The following ANO4 variants were observed in gnomAD, a reference collection of about 807,000 sequenced individuals.
ANO4 encodes the protein anoctamin-4.
Under a neutral mutation model 141.9 loss-of-function variants are expected in ANO4, and 69 were observed. The ratio of observed to expected loss-of-function variants is 0.49; its 90% CI spans 0.40 to 0.59. ANO4 has a LOEUF of 0.59. Among genes scored for constraint, ANO4 ranks in the 20% least tolerant of loss-of-function variants. The probability of loss-of-function intolerance (pLI) is 0.00; values close to 1 mark genes in which losing one functional copy is unlikely to be tolerated. For synonymous variants in ANO4, 350 were observed against 394.3 expected, an observed-to-expected ratio of 0.89 and a Z score of 1.33; for missense variants, 894 against 1,162.2, an observed-to-expected ratio of 0.77 and a Z score of 3.36.
At chr12:100,862,712 A>G (rs2038547374) in intron 1 of ANO4, among the ~76,000 whole-genome samples, 1 of 152,204 alleles carries the variant, frequency 6.6e-6, no homozygotes, top group Non-Finnish European at 1.5e-5. Flanking sequence ...TGTTCACATC[A>G]GTATCACTGC....
At chr12:100,846,571 C>T (rs1014255350) in intron 1 of ANO4, among the ~76,000 whole-genome samples, 12 of 151,970 alleles carry the variant, frequency 7.9e-5, no homozygotes, top group African/African-American at 2.7e-4. Flanking sequence ...GATCTAGTGC[C>T]ACAGACAGCT....
At chr12:100,813,395 A>G (rs1278060696) in intron 1 of ANO4, among the ~76,000 whole-genome samples, 1 of 152,190 alleles carries the variant, frequency 6.6e-6, no homozygotes. Context: ...ATGAATTCCC[A>G]GAGTCTGGAT....
chr12:100,999,418 C>T (rs905855503), intron 8 of ANO4, among the ~76,000 whole-genome samples: 2 of 152,200 alleles, frequency 1.3e-5, no homozygotes, highest in Admixed American at 6.5e-5. Flanking sequence ...TTTCCTCTTC[C>T]ATTTTTAGGG....
chr12:100,722,162 C>T (rs896956351), intron 1 of ANO4, among the ~76,000 whole-genome samples: 4 of 152,130 alleles, frequency 2.6e-5, no homozygotes, highest in Non-Finnish European at 4.4e-5. Flanking sequence ...TCTCAATCAC[C>T]AAGTCCTGTT....
chr12:101,120,580 T>C lies in ANO4; in HGVS notation c.2631T>C (p.Phe877=). Residue 877 remains phenylalanine, a synonymous_variant, in exon 26 of 28, where the codon TTT becomes TTC. Coordinates refer to ENST00000392977, the MANE Select transcript of ANO4 (RefSeq NM_001286615.2). ...TGCCCTATGGCTACACACTGCAGTTTTGGCATGTCCTAGCTGCTCGATTAG... is the reference window on the plus strand; with the variant it reads ...TGCCCTATGGCTACACACTGCAGTTCTGGCATGTCCTAGCTGCTCGATTAG... ...SLVPYGYTLQ[F]WHVLAARLAF... 6.2e-7 allele frequency: 1 copy of C among 1,614,132 alleles called. No individual in the cohort carries two copies.
At chr12:100,955,446 G>A (rs1328344375) in intron 5 of ANO4, among the ~76,000 whole-genome samples, 2 of 152,170 alleles carry the variant, frequency 1.3e-5, no homozygotes, top group Non-Finnish European at 2.9e-5. Flanking sequence ...TGGGTTCTAG[G>A]AGAACAAGGT....
intron 2 of ANO4, among the ~76,000 whole-genome samples, chr12:100,903,466 A>G (rs2040690340): frequency 6.6e-6 from 1 of 152,166 alleles, no homozygotes; most frequent in Admixed American, 6.5e-5. Flanking sequence ...ACTTCTTAGC[A>G]TGTTAAAAAC....
chr12:100,999,826 C>T (rs1271038558), intron 8 of ANO4, among the ~76,000 whole-genome samples: 1 of 151,690 alleles, frequency 6.6e-6, no homozygotes, highest in Admixed American at 6.6e-5. Context: ...AGGCAGATTG[C>T]TTGCAGCCAG....
At chr12:100,748,979 C>T (rs998456843) in intron 3 of ANO4, among the ~76,000 whole-genome samples, 5 of 152,062 alleles carry the variant, frequency 3.3e-5, no homozygotes, top group African/African-American at 1.2e-4. Flanking sequence ...GATATTGTAA[C>T]AAGTAGGGCA....
At chr12:100,777,232 ACAGGTATACACCACCAAGTC>A (rs1403189498) in intron 3 of ANO4, among the ~76,000 whole-genome samples, 1 of 144,082 alleles carries the variant, frequency 6.9e-6, no homozygotes, top group East Asian at 2.1e-4. Flanking sequence ...AGCTGGGATT[ACAGGTATACACCACCAAGTC>A]CAGCTAATTT....
At chr12:100,987,431 C>A in intron 7 of ANO4, 108 bp from the exon 8 acceptor site, 2 of 1,362,792 alleles carry the variant, frequency 1.5e-6, no homozygotes, top group Non-Finnish European at 2.0e-6. Flanking sequence ...AGTGAGAGGG[C>A]CTGGAATGTG....
Position 100,927,423 on chromosome 12 carries a change from C to T in ANO4, c.160+5093C>T, listed in dbSNP as rs772493940. Among the ~76,000 whole-genome samples the T allele has an allele frequency of 3.2e-4, 49 of 152,168 alleles. 1 individual carries two copies. Among genetic ancestry groups the T allele is most frequent in the Non-Finnish European group, 6.5e-4 (44 of 67,990 alleles). On this transcript the variant is annotated intron_variant, in intron 3 of 27. Coordinates refer to ENST00000392977, the MANE Select transcript of ANO4 (RefSeq NM_001286615.2). ...CCTACTCAAATCTTATGTACAGTAG[C>T]ACCTATTAAAACAAAAATAAACAAA...
chr12:100,865,787 G>A (rs535707424), intron 1 of ANO4, among the ~76,000 whole-genome samples: 68 of 152,278 alleles, frequency 4.5e-4, no homozygotes, highest in African/African-American at 1.6e-3. Context: ...TGTGGGTATC[G>A]TGTAAGAAAA....
intron 11 of ANO4, among the ~76,000 whole-genome samples, chr12:101,041,944 T>A (rs2047426233): frequency 6.6e-6 from 1 of 152,108 alleles, no homozygotes; most frequent in Non-Finnish European, 1.5e-5. Flanking sequence ...TCCTATCCTA[T>A]AGGTTTTACT....
At chr12:100,820,873 G>A (rs1208101852) in intron 1 of ANO4, among the ~76,000 whole-genome samples, 1 of 152,050 alleles carries the variant, frequency 6.6e-6, no homozygotes, top group Non-Finnish European at 1.5e-5. Flanking sequence ...TGATTGTGCT[G>A]GGTGGACTTT....
chr12:100,961,470 A>G (rs561153072), intron 5 of ANO4, among the ~76,000 whole-genome samples: 2 of 152,346 alleles, frequency 1.3e-5, no homozygotes, highest in South Asian at 2.1e-4. Flanking sequence ...ACCCATCAGC[A>G]TGAACCACTA....
chr12:100,954,477 A>G (rs1305776495), intron 5 of ANO4, among the ~76,000 whole-genome samples: 2 of 152,158 alleles, frequency 1.3e-5, no homozygotes, highest in African/African-American at 2.4e-5. Context: ...AGCACCCATC[A>G]TTGTACACTT....
At chr12:100,840,447 C>T (rs1001131308) in intron 1 of ANO4, among the ~76,000 whole-genome samples, 7 of 152,206 alleles carry the variant, frequency 4.6e-5, no homozygotes, top group South Asian at 2.1e-4. Context: ...TGCCACTTTA[C>T]GGTTGGGGAA....
At chr12:100,975,550 C>T (rs2044138448) in intron 7 of ANO4, among the ~76,000 whole-genome samples, 1 of 123,188 alleles carries the variant, frequency 8.1e-6, no homozygotes, top group Non-Finnish European at 1.7e-5. Context: ...AAGCGATTCT[C>T]CTGCCTCAAC....
Sources: allele counts gnomAD v4.1 joint callset (sites outside exome capture counted in the v4.1 genomes callset), GRCh38; gene constraint gnomAD v4.1.1; transcripts MANE v1.5; gene names NCBI Gene and HGNC (gene_info 2026-07-23, HGNC 2026-07-21).